SNX29: variants seen among roughly 807,000 people sequenced by gnomAD.
SNX29 encodes sorting nexin-29.
A neutral mutation model predicts 102.1 loss-of-function variants in SNX29; 78 were observed. The observed-to-expected ratio is 0.76, with a 90% CI of 0.64 to 0.92. The LOEUF (loss-of-function observed/expected upper bound fraction) is 0.92. SNX29 is among the 40% of genes least tolerant of loss of function. SNX29 has a pLI of 0.00. For missense variants in SNX29, 1,280 were observed against 1,061.7 expected (o/e 1.21, Z -2.86); for synonymous variants, 580 against 414.5 (o/e 1.40, Z -4.85).
At position 12,078,860 on chromosome 16, in the gene SNX29, A is replaced by G; in HGVS notation, c.1347A>G (p.Gly449=). ...TGGAAGCCAGCTCTCCAGGCCACGG[A>G]AGTCCTCTGAGCAGCCTGTTACCTT... ...YSVEASSPGH[G]SPLSSLLPSA... The change falls in exon 11 of 21, where the codon GGA becomes GGG. Residue 449 remains glycine (G), a synonymous_variant. Transcript: ENST00000566228. 2 of 1,606,896 alleles carry G rather than the reference A, an allele frequency of 1.2e-6. No individual in the cohort carries two copies. Among genetic ancestry groups the G allele is most frequent in the Non-Finnish European group, 8.5e-7 (1 of 1,176,858 alleles).
rs2079177146 is a variant in SNX29 at position 12,571,052 on chromosome 16, T to TA, written c.*2428dup. ...AGACCATCTCCTCTCATTCTCACTC[T>TA]AAAAATGCTGGTGGCCCGCACATGA... On this transcript the variant is annotated 3_prime_UTR_variant, in exon 21 of 21. Transcript: ENST00000566228. 1.3e-5 allele frequency: 3 copies of TA among 232,500 alleles called. No homozygotes were observed. The highest frequency in any genetic ancestry group is 6.6e-5 in the African/African-American group (3 of 45,292). 14.4% of individuals were successfully genotyped at this position (232,500 alleles called of 1,614,324 possible).
At chr16:12,305,421 G>A (rs1355410799) in intron 15 of SNX29, among the ~76,000 whole-genome samples, 1 of 152,226 alleles carries the variant, frequency 6.6e-6, no homozygotes, top group African/African-American at 2.4e-5. Context: ...CAAGCCCTAG[G>A]CATTTTAGCT....
intron 15 of SNX29, among the ~76,000 whole-genome samples, chr16:12,308,531 C>A (rs1444327187): frequency 6.6e-6 from 1 of 152,104 alleles, no homozygotes; most frequent in South Asian, 2.1e-4. Flanking sequence ...CATCGTCATC[C>A]CTCCTTCATG....
intron 11 of SNX29, chr16:12,093,954 G>C (rs2052665227): frequency 6.6e-6 from 1 of 152,208 alleles, no homozygotes; most frequent in Admixed American, 6.5e-5. Flanking sequence ...ATTGCACATA[G>C]TGTCTGGGGC....
At chr16:12,424,747 TCTC>T (rs1263965176) in intron 18 of SNX29, among the ~76,000 whole-genome samples, 2 of 152,140 alleles carry the variant, frequency 1.3e-5, no homozygotes, top group African/African-American at 4.8e-5. Flanking sequence ...GACAGTATCT[TCTC>T]CTCCGTCTCT....
chr16:12,549,098 A>G (rs8052154), intron 20 of SNX29, among the ~76,000 whole-genome samples: 68,309 of 152,046 alleles, frequency 0.45, 16,372 homozygotes, highest in East Asian at 0.78. Flanking sequence ...TTACAGTGTC[A>G]TTTCTTGGGG....
intron 14 of SNX29, among the ~76,000 whole-genome samples, chr16:12,220,001 C>T (rs961950100): frequency 1.3e-5 from 2 of 152,254 alleles, no homozygotes; most frequent in Admixed American, 6.5e-5. Context: ...TCTCTGTGTC[C>T]CTGACTGAGT....
chr16:12,354,866 C>T (rs2082087838), intron 15 of SNX29, among the ~76,000 whole-genome samples: 2 of 152,210 alleles, frequency 1.3e-5, no homozygotes, highest in South Asian at 4.1e-4. Flanking sequence ...CAGAAAGGCT[C>T]AGTGACTTAT....
chr16:12,277,848 G>C (rs2079303250), intron 14 of SNX29, 85 bp from the exon 15 acceptor site: 5 of 1,196,968 alleles, frequency 4.2e-6, no homozygotes, highest in East Asian at 5.1e-5. Context: ...AGTCATCTGA[G>C]AAAGAAGAAT....
At chr16:12,537,417 C>G (rs975883350) in intron 20 of SNX29, among the ~76,000 whole-genome samples, 8 of 152,232 alleles carry the variant, frequency 5.3e-5, no homozygotes, top group Non-Finnish European at 7.3e-5. Flanking sequence ...GGCTCAAATT[C>G]CAGCTCAACT....
In SNX29 at chr16:12,144,703, G is replaced by C. The variant is rs367891115; in HGVS notation, c.1595+14945G>C. ...TATTCGGTTATAGCAGCACAAAACA[G>C]ACTGAGACGGCTTGCTTTGTGGGTA... is the stretch of plus-strand genomic sequence containing the variant. On this transcript the variant is annotated intron_variant, in intron 13 of 20. Transcript: ENST00000566228. Among the ~76,000 whole-genome samples the C allele has an allele frequency of 3.9e-5, 6 of 152,238 alleles. No individual in the cohort carries two copies. The East Asian group carries it at 5.8e-4, about 15-fold the overall frequency.
At chr16:12,426,813 A>G (rs1017552320) in intron 18 of SNX29, among the ~76,000 whole-genome samples, 3 of 152,120 alleles carry the variant, frequency 2.0e-5, no homozygotes, top group Non-Finnish European at 4.4e-5. Context: ...TTACAGGTGC[A>G]TGCTACCATG....
chr16:12,515,495 C>G (rs1187079198), intron 19 of SNX29: 1 of 486,990 alleles, frequency 2.1e-6, no homozygotes, highest in African/African-American at 2.0e-5. Context: ...ATTCGCTTCT[C>G]CTTGCCTCCC....
intron 20 of SNX29, among the ~76,000 whole-genome samples, chr16:12,548,904 G>T (rs547821623): frequency 5.9e-5 from 9 of 152,192 alleles, no homozygotes; most frequent in African/African-American, 1.9e-4. Context: ...GCACTCACTC[G>T]GGCTGTAGGT....
chr16:12,424,165 C>G (rs926303563), intron 18 of SNX29, among the ~76,000 whole-genome samples: 1 of 152,172 alleles, frequency 6.6e-6, no homozygotes, highest in African/African-American at 2.4e-5. Context: ...TTTCTCTTCC[C>G]AGGTAGCAGT....
At chr16:12,151,742 G>GT in intron 13 of SNX29, among the ~76,000 whole-genome samples, 1 of 152,130 alleles carries the variant, frequency 6.6e-6, no homozygotes, top group East Asian at 1.9e-4. Flanking sequence ...TTGTTTGTTT[G>GT]TTTTGTTTTT....
At chr16:12,078,329 G>C (rs888863316) in intron 10 of SNX29, among the ~76,000 whole-genome samples, 1 of 152,096 alleles carries the variant, frequency 6.6e-6, no homozygotes, top group Non-Finnish European at 1.5e-5. Flanking sequence ...ACAAGAATTA[G>C]TCGGGTGTGG....
chr16:12,279,477 C>T (rs1421724628), intron 15 of SNX29, among the ~76,000 whole-genome samples: 1 of 152,230 alleles, frequency 6.6e-6, no homozygotes, highest in Non-Finnish European at 1.5e-5. Context: ...GGCCTGGGGA[C>T]AGGGCACTCC....
At chr16:12,199,411 T>C (rs1242457308) in intron 13 of SNX29, among the ~76,000 whole-genome samples, 190 bp from the exon 14 acceptor site, 1 of 152,222 alleles carries the variant, frequency 6.6e-6, no homozygotes, top group Non-Finnish European at 1.5e-5. Context: ...TTAAAGGCAC[T>C]CTGCAGACAT....
Sources: gnomAD v4.1 joint callset for allele counts (sites outside exome capture counted in the v4.1 genomes callset) on GRCh38, gnomAD v4.1.1 for gene constraint, MANE v1.5 for transcripts, NCBI Gene and HGNC (gene_info 2026-07-23, HGNC 2026-07-21) for gene names.